Variants in STK39 observed in about 807,000 individuals in gnomAD.
STK39 encodes STE20/SPS1-related proline-alanine-rich protein kinase.
A neutral mutation model predicts 77.8 loss-of-function variants in STK39; 20 were observed. The ratio of observed to expected loss-of-function variants is 0.26; its 90% CI spans 0.18 to 0.37. The LOEUF is 0.37. Among genes scored for constraint, STK39 ranks in the 10% least tolerant of loss-of-function variants. The probability of loss-of-function intolerance (pLI) is 1.00; values close to 1 mark genes in which losing one functional copy is unlikely to be tolerated. For missense variants in STK39, 479 were observed against 656.5 expected (o/e 0.73, Z 2.95); for synonymous variants, 246 against 234.1 (o/e 1.05, Z -0.47).
At position 168,228,114 on chromosome 2, in the gene STK39, T is replaced by C. The variant is rs146748730; in HGVS notation, c.208+19114A>G. Among the ~76,000 whole-genome samples the C allele has an allele frequency of 1.7e-3, 263 of 152,336 alleles. 2 individuals carry two copies. Among genetic ancestry groups the C allele is most frequent in the African/African-American group, 6.0e-3 (249 of 41,578 alleles). ...AGATTGTATTAGATGTATTCCGTGATTCTGAAAACATTTAAGTATGAGAAA... is the reference window on the plus strand; with the variant it reads ...AGATTGTATTAGATGTATTCCGTGACTCTGAAAACATTTAAGTATGAGAAA... On this transcript the variant is annotated intron_variant, in intron 1 of 17. Transcript: ENST00000355999.
chr2:167,980,464 G>C (rs1005637118), intron 16 of STK39, among the ~76,000 whole-genome samples: 1 of 152,196 alleles, frequency 6.6e-6, no homozygotes, highest in Non-Finnish European at 1.5e-5. Flanking sequence ...TCTGGACTGG[G>C]AAAAGCTTTG....
intron 10 of STK39, among the ~76,000 whole-genome samples, chr2:168,124,317 G>GT (rs1559108762): frequency 2.0e-5 from 3 of 152,118 alleles, no homozygotes; most frequent in Admixed American, 2.0e-4. Context: ...TGGCCAATAT[G>GT]TTTTTTGGAT....
At chr2:168,098,108 A>G (rs1686722613) in intron 10 of STK39, among the ~76,000 whole-genome samples, 1 of 152,228 alleles carries the variant, frequency 6.6e-6, no homozygotes, top group African/African-American at 2.4e-5. Flanking sequence ...CTTCTTTATC[A>G]TTCTTCTTTA....
intron 16 of STK39, among the ~76,000 whole-genome samples, chr2:167,983,250 C>T (rs1484132939): frequency 1.3e-5 from 2 of 151,888 alleles, no homozygotes; most frequent in Non-Finnish European, 1.5e-5. Context: ...GGGGCTGAGG[C>T]GGGTGGATCA....
At chr2:167,962,877 T>C (rs1423022382) in intron 17 of STK39, among the ~76,000 whole-genome samples, 3 of 152,186 alleles carry the variant, frequency 2.0e-5, no homozygotes, top group Non-Finnish European at 4.4e-5. Context: ...GATCGCTGTG[T>C]GATCCTGGGC....
At chr2:168,066,427 G>A (rs1450209558) in intron 12 of STK39, among the ~76,000 whole-genome samples, 6 of 152,198 alleles carry the variant, frequency 3.9e-5, no homozygotes, top group Non-Finnish European at 8.8e-5. Flanking sequence ...AGGGGAAAAT[G>A]ACTACGTTAG....
intron 1 of STK39, among the ~76,000 whole-genome samples, chr2:168,231,688 C>A (rs1009037236): frequency 6.6e-6 from 1 of 152,046 alleles, no homozygotes; most frequent in Non-Finnish European, 1.5e-5. Flanking sequence ...AAACCACTAA[C>A]TAATCTATCA....
intron 1 of STK39, among the ~76,000 whole-genome samples, chr2:168,228,999 C>T (rs1487846798): frequency 5.3e-5 from 8 of 152,104 alleles, no homozygotes; most frequent in Admixed American, 5.2e-4. Flanking sequence ...ATAAAGATAA[C>T]ATTTAGCCCT....
At chr2:168,133,561 A>G (rs1294815871) in intron 8 of STK39, among the ~76,000 whole-genome samples, 1 of 152,156 alleles carries the variant, frequency 6.6e-6, no homozygotes, top group Non-Finnish European at 1.5e-5. Context: ...ATGGAACTGG[A>G]AGAAATTAAG....
chr2:168,139,952 A>T (rs1420696058), intron 7 of STK39, among the ~76,000 whole-genome samples: 2 of 152,158 alleles, frequency 1.3e-5, no homozygotes, highest in Non-Finnish European at 2.9e-5. Flanking sequence ...CATCACTATA[A>T]TCTATTTTGA....
chr2:168,050,061 A>G lies in STK39; in HGVS notation c.1376+13439T>C, dbSNP rs190088857. Among the ~76,000 whole-genome samples, 319 of 152,306 alleles carry G rather than the reference A, an allele frequency of 2.1e-3. 4 individuals carry two copies. Among genetic ancestry groups the G allele is most frequent in the African/African-American group, 7.4e-3 (308 of 41,564 alleles). ...GGATAATATGCAATTTCATACTTCC[A>G]TATGATTGTCTCAAAACATAGAAGA... On this transcript the variant is annotated intron_variant, in intron 14 of 17. Transcript: ENST00000355999.
At position 168,172,040 on chromosome 2, in the gene STK39, C is replaced by T. The variant is rs934125137; in HGVS notation, c.322-4633G>A. Among the ~76,000 whole-genome samples the T allele has an allele frequency of 9.2e-5, 14 of 152,230 alleles. No individual in the cohort carries two copies. The East Asian group carries it at 2.5e-3, about 27-fold the overall frequency. ...GGCTTGATTACCTAGGCGGGTTATCCAACAACTTTGAGCCTCAGTTTCCTT... is the reference window on the plus strand; with the variant it reads ...GGCTTGATTACCTAGGCGGGTTATCTAACAACTTTGAGCCTCAGTTTCCTT... On this transcript the variant is annotated intron_variant, in intron 2 of 17. Transcript: ENST00000355999.
chr2:168,049,288 C>T (rs937889109), intron 14 of STK39, among the ~76,000 whole-genome samples: 4 of 152,174 alleles, frequency 2.6e-5, no homozygotes, highest in African/African-American at 7.2e-5. Flanking sequence ...AGATAAGCTC[C>T]GATTTCTGAG....
chr2:168,116,437 T>C (rs1228127127), intron 10 of STK39, among the ~76,000 whole-genome samples: 1 of 152,196 alleles, frequency 6.6e-6, no homozygotes, highest in Non-Finnish European at 1.5e-5. Context: ...AAGTGCAACC[T>C]TAATCGAGTC....
chr2:168,092,221 A>C (rs1301933773), intron 10 of STK39, among the ~76,000 whole-genome samples: 1 of 152,206 alleles, frequency 6.6e-6, no homozygotes, highest in East Asian at 1.9e-4. Flanking sequence ...CAGGGATCAG[A>C]CACCTGTTCC....
intron 16 of STK39, among the ~76,000 whole-genome samples, chr2:168,002,714 A>C (rs549713226): frequency 1.3e-5 from 2 of 152,214 alleles, no homozygotes; most frequent in Non-Finnish European, 2.9e-5. Flanking sequence ...TATGCATTTT[A>C]CTTTAGTCTG....
Position 168,093,296 on chromosome 2 carries a change from T to C in STK39, c.1090-18065A>G, listed in dbSNP as rs114944254. Among the ~76,000 whole-genome samples, 1,029 of 152,206 alleles carry C rather than the reference T, an allele frequency of 6.8e-3. 21 individuals are homozygous for C. The highest frequency in any genetic ancestry group is 0.024 in the African/African-American group (984 of 41,524). On this transcript the variant is annotated intron_variant, in intron 10 of 17. Coordinates refer to ENST00000355999, the MANE Select transcript of STK39 (RefSeq NM_013233.3). ...GAAATACCCAAGACTGGGTAACTCA[T>C]AAAGAAAAAGAGGTTTAATGGACTC... is the stretch of plus-strand genomic sequence containing the variant.
At chr2:168,080,777 T>C (rs1686209887) in intron 10 of STK39, among the ~76,000 whole-genome samples, 1 of 152,202 alleles carries the variant, frequency 6.6e-6, no homozygotes, top group Non-Finnish European at 1.5e-5. Context: ...GGTCCCTCTG[T>C]TGTGTGCAGT....
chr2:168,191,384 C>T (rs1009214513), intron 1 of STK39, among the ~76,000 whole-genome samples: 14 of 152,000 alleles, frequency 9.2e-5, no homozygotes, highest in African/African-American at 2.9e-4. Context: ...CCACAGCCCA[C>T]GCCCTATTAA....
Sources: gnomAD v4.1 joint callset for allele counts (sites outside exome capture counted in the v4.1 genomes callset) on GRCh38, gnomAD v4.1.1 for gene constraint, MANE v1.5 for transcripts, NCBI Gene and HGNC (gene_info 2026-07-23, HGNC 2026-07-21) for gene names.